Variants in GSR observed in about 807,000 individuals in gnomAD.
GSR encodes the protein glutathione-disulfide reductase.
A neutral mutation model predicts 56.5 loss-of-function variants in GSR; 48 were observed. The ratio of observed to expected loss-of-function variants is 0.85; its 90% confidence interval spans 0.67 to 1.08. The LOEUF is 1.08. Ranked by LOEUF, GSR falls within the 50% of genes least tolerant of loss-of-function variation. GSR has a pLI of 0.00. For synonymous variants in GSR, 264 were observed against 270.8 expected, an observed-to-expected ratio of 0.97 and a Z score of 0.25; for missense variants, 694 against 703.3, an observed-to-expected ratio of 0.99 and a Z score of 0.15.
At chr8:30,713,711 A>G (rs538334076) in intron 1 of GSR, among the ~76,000 whole-genome samples, 4 of 152,304 alleles carry the variant, frequency 2.6e-5, no homozygotes, top group Admixed American at 1.3e-4. Context: ...ATAATGAAAT[A>G]TTTTTCATCT....
intron 5 of GSR, among the ~76,000 whole-genome samples, chr8:30,700,998 G>T (rs1476784953): frequency 6.6e-6 from 1 of 152,030 alleles, no homozygotes; most frequent in Non-Finnish European, 1.5e-5. Context: ...TTTTACATTG[G>T]CTTCAAACTT....
intron 1 of GSR, among the ~76,000 whole-genome samples, chr8:30,725,881 C>CAAAAAA (rs59192685): frequency 1.7e-5 from 1 of 60,066 alleles, no homozygotes; most frequent in African/African-American, 4.5e-5. Context: ...GACTCCCTCT[C>CAAAAAA]AAAAAAAAAA....
Position 30,679,230 on chromosome 8 carries a change from G to C in GSR, c.*290C>G, listed in dbSNP as rs1355703837. ...TTGTACTTCACAAAGCTTTATATTT[G>C]GGATGAGGCTAAAACAGAAAAAAAA... On this transcript the variant is annotated 3_prime_UTR_variant, in exon 13 of 13. Coordinates refer to ENST00000221130, the MANE Select transcript of GSR (RefSeq NM_000637.5). 2.6e-6 allele frequency: 1 copy of C among 391,752 alleles called. No individual in the cohort carries two copies. Among genetic ancestry groups the C allele is most frequent in the Non-Finnish European group, 4.6e-6 (1 of 215,560 alleles). 24.3% of individuals were successfully genotyped at this position (391,752 alleles called of 1,614,324 possible).
chr8:30,721,902 A>G (rs1804551205), intron 1 of GSR, among the ~76,000 whole-genome samples: 1 of 151,830 alleles, frequency 6.6e-6, no homozygotes, highest in South Asian at 2.1e-4. Context: ...CTGTAGTCCC[A>G]GCTACTCAGG....
chr8:30,679,336 G>A lies in GSR; in HGVS notation c.*184C>T, dbSNP rs1781590407. The stretch of plus-strand genomic sequence containing the variant: ...ATGTGATCAAATGAAAATCAATCCT[G>A]GATAACACTACAAATTTCTAACTCC... On this transcript the variant is annotated 3_prime_UTR_variant, in exon 13 of 13. Coordinates refer to ENST00000221130, the MANE Select transcript of GSR (RefSeq NM_000637.5). 1.6e-6 allele frequency: 1 copy of A among 635,120 alleles called. No homozygotes were observed. Among genetic ancestry groups the A allele is most frequent in the Non-Finnish European group, 2.8e-6 (1 of 360,586 alleles). 39.3% of individuals were successfully genotyped at this position (635,120 alleles called of 1,614,324 possible). A position where few individuals can be genotyped will look rare whatever the true frequency, so the allele number is the denominator to read the frequency against.
chr8:30,687,010 T>C (rs1033397553), intron 9 of GSR, among the ~76,000 whole-genome samples: 1 of 151,872 alleles, frequency 6.6e-6, no homozygotes, highest in Non-Finnish European at 1.5e-5. Context: ...CTAATTTTTG[T>C]ATTATTAGTA....
chr8:30,684,746 A>G (rs1803094924), intron 9 of GSR, among the ~76,000 whole-genome samples: 1 of 151,676 alleles, frequency 6.6e-6, no homozygotes, highest in Non-Finnish European at 1.5e-5. Flanking sequence ...AAGCATATCT[A>G]TGTTTATTTA....
At chr8:30,714,655 T>A (rs897853916) in intron 1 of GSR, among the ~76,000 whole-genome samples, 1 of 152,028 alleles carries the variant, frequency 6.6e-6, no homozygotes, top group African/African-American at 2.4e-5. Flanking sequence ...CTACCATACG[T>A]GGCCTGTATA....
At chr8:30,686,524 A>AT (rs901373033) in intron 9 of GSR, among the ~76,000 whole-genome samples, 2 of 152,008 alleles carry the variant, frequency 1.3e-5, no homozygotes, top group Admixed American at 6.6e-5. Flanking sequence ...GTCTACAAAA[A>AT]TTTTTTTTAA....
intron 8 of GSR, among the ~76,000 whole-genome samples, chr8:30,690,187 T>TA (rs60467074): frequency 2.0e-5 from 3 of 149,562 alleles, no homozygotes; most frequent in East Asian, 3.9e-4. Context: ...TTTATTTATT[T>TA]TTCTTTAAGA....
chr8:30,682,402 C>T (rs8191029), intron 10 of GSR, among the ~76,000 whole-genome samples: 1 of 152,164 alleles, frequency 6.6e-6, no homozygotes, highest in Non-Finnish European at 1.5e-5. Context: ...GTCAAAAACG[C>T]AGACAAAAGT....
At chr8:30,683,356 T>C (rs944347186) in intron 10 of GSR, among the ~76,000 whole-genome samples, 3 of 152,118 alleles carry the variant, frequency 2.0e-5, no homozygotes, top group Non-Finnish European at 4.4e-5. Flanking sequence ...CTGATGAGGT[T>C]CTAGGTACAG....
At chr8:30,723,664 C>T (rs898822099) in intron 1 of GSR, among the ~76,000 whole-genome samples, 1 of 151,744 alleles carries the variant, frequency 6.6e-6, no homozygotes, top group Admixed American at 6.6e-5. Flanking sequence ...TGGTGGCCTG[C>T]GCCTGTAGTC....
At chr8:30,722,421 T>C (rs569629676) in intron 1 of GSR, among the ~76,000 whole-genome samples, 70 of 152,224 alleles carry the variant, frequency 4.6e-4, no homozygotes, top group African/African-American at 1.6e-3. Flanking sequence ...TTTTAGTAAA[T>C]TGCATTTAAT....
At chr8:30,723,127 G>A (rs1421763368) in intron 1 of GSR, among the ~76,000 whole-genome samples, 2 of 152,104 alleles carry the variant, frequency 1.3e-5, no homozygotes, top group Non-Finnish European at 2.9e-5. Context: ...AGTTCCCCAG[G>A]CCCTGGGGCA....
intron 3 of GSR, among the ~76,000 whole-genome samples, chr8:30,709,379 A>G (rs1291542189): frequency 6.6e-6 from 1 of 152,154 alleles, no homozygotes; most frequent in Non-Finnish European, 1.5e-5. Flanking sequence ...AACAAACAAA[A>G]AGGAATGAGG....
At chr8:30,689,132 A>G in intron 9 of GSR, 29 bp downstream of exon 9, 1 of 1,611,232 alleles carries the variant, frequency 6.2e-7, no homozygotes, top group Non-Finnish European at 8.5e-7. Context: ...TAGATTCACA[A>G]ATGTTTCGGG....
Position 30,680,952 on chromosome 8 carries a change from C to T in GSR, c.1371G>A (p.Arg457=). ...CCATTTTCATCACACATTTTGTTTTCCTTTTGGTAACTGCGTGATACATCG... is the reference window on the plus strand; with the variant it reads ...CCATTTTCATCACACATTTTGTTTTTCTTTTGGTAACTGCGTGATACATCG... ...FTPMYHAVTK[R]KTKCVMKMVC... The change falls in exon 12 of 13, where the codon AGG becomes AGA. Residue 457 remains arginine, a synonymous_variant. Coordinates refer to ENST00000221130, the MANE Select transcript of GSR (RefSeq NM_000637.5). The T allele has an allele frequency of 6.2e-7, 1 of 1,613,516 alleles. No individual in the cohort carries two copies. Among genetic ancestry groups the T allele is most frequent in the Non-Finnish European group, 8.5e-7 (1 of 1,179,608 alleles).
intron 1 of GSR, among the ~76,000 whole-genome samples, chr8:30,715,770 T>C (rs976797610): frequency 6.6e-6 from 1 of 152,186 alleles, no homozygotes; most frequent in Non-Finnish European, 1.5e-5. Context: ...TCCAAGGGTG[T>C]CATAAAGCAC....
Sources: gnomAD v4.1 joint callset for allele counts (sites outside exome capture counted in the v4.1 genomes callset) on GRCh38, gnomAD v4.1.1 for gene constraint, MANE v1.5 for transcripts, NCBI Gene and HGNC (gene_info 2026-07-23, HGNC 2026-07-21) for gene names.